UNC80: variants seen among roughly 807,000 people sequenced by gnomAD.
The protein encoded by UNC80 is protein unc-80 homolog.
UNC80 carries 164 observed loss-of-function variants against 384.6 expected under a neutral mutation model. That is an observed-to-expected ratio of 0.43 (90% confidence interval 0.38 to 0.49). UNC80 has a LOEUF of 0.49. Among genes scored for constraint, UNC80 ranks in the 20% least tolerant of loss-of-function variants. UNC80 has a pLI of 0.00. For missense variants in UNC80, 3,330 were observed against 4,143.0 expected (o/e 0.80, Z 5.39); for synonymous variants, 1,486 against 1,527.8 (o/e 0.97, Z 0.64).
At chr2:209,939,225 G>A (rs1052191789) in intron 42 of UNC80, among the ~76,000 whole-genome samples, 2 of 152,026 alleles carry the variant, frequency 1.3e-5, no homozygotes. Flanking sequence ...CTCCTCTCCA[G>A]CCTAAAACTC....
intron 13 of UNC80, 46 bp from the exon 14 acceptor site, chr2:209,825,861 G>T (rs2080478903): frequency 6.8e-7 from 1 of 1,460,138 alleles, no homozygotes; most frequent in African/African-American, 1.4e-5. Flanking sequence ...GGACCTCAGT[G>T]ACAAAGTAAA....
chr2:209,829,095 G>T (rs1196556180), intron 14 of UNC80, 137 bp from the exon 15 acceptor site: 10 of 930,116 alleles, frequency 1.1e-5, no homozygotes, highest in Non-Finnish European at 1.6e-5. Context: ...GACAAGAGGG[G>T]CTAGCAGGGT....
intron 27 of UNC80, among the ~76,000 whole-genome samples, chr2:209,895,766 A>T (rs1300663320): frequency 6.6e-6 from 1 of 152,200 alleles, no homozygotes; most frequent in East Asian, 1.9e-4. Context: ...CACAGAGAGG[A>T]GTTTGGACAC....
Position 209,929,882 on chromosome 2 carries a change from G to A in UNC80, c.5818G>A (p.Ala1940Thr). 3.3e-6 allele frequency: 5 copies of A among 1,528,242 alleles called. No homozygotes were observed. Among genetic ancestry groups the A allele is most frequent in the Non-Finnish European group, 4.4e-6 (5 of 1,138,420 alleles). The allele number at this position is 1,528,242 out of a possible 1,614,324, so 94.7% of individuals were successfully genotyped here. Residue 1940 changes from alanine to threonine, a missense_variant, in exon 37 of 65, where the codon GCT (alanine) becomes ACT (threonine). By Grantham distance (58) the Ala-to-Thr change is moderately conservative. Coordinates refer to ENST00000673920, the MANE Select transcript of UNC80 (RefSeq NM_001371986.1). ...TTTCTCTTCTGAAGTGAGTGCTGTG[G>A]CTCAACAAGTCTTATGGAACTGTCT... ...REDGVAVSAVAQQVLWNCLIE... is the reference protein window; with the variant it reads ...REDGVAVSAVTQQVLWNCLIE...
chr2:209,817,224 C>G (rs887419347), intron 10 of UNC80, 99 bp downstream of exon 10: 10 of 1,198,844 alleles, frequency 8.3e-6, no homozygotes, highest in Non-Finnish European at 1.2e-5. Context: ...TTGAACAATT[C>G]AGCCAAGAAA....
At chr2:209,854,036 C>T (rs983108793) in intron 22 of UNC80, among the ~76,000 whole-genome samples, 11 of 152,034 alleles carry the variant, frequency 7.2e-5, no homozygotes, top group African/African-American at 2.4e-4. Flanking sequence ...CCAGGACTCT[C>T]CCAGGAAAAG....
At chr2:209,924,175 T>C (rs1003962497) in intron 35 of UNC80, among the ~76,000 whole-genome samples, 1 of 152,214 alleles carries the variant, frequency 6.6e-6, no homozygotes, top group Non-Finnish European at 1.5e-5. Flanking sequence ...GTTTCTTATA[T>C]GTCTCATAAG....
chr2:209,857,847 T>C (rs2083050049), intron 22 of UNC80, among the ~76,000 whole-genome samples: 1 of 152,200 alleles, frequency 6.6e-6, no homozygotes, highest in Non-Finnish European at 1.5e-5. Flanking sequence ...ATTTATAAAA[T>C]CCAGGGTTTT....
chr2:209,939,364 C>T, intron 42 of UNC80, 108 bp from the exon 43 acceptor site: 6 of 1,197,560 alleles, frequency 5.0e-6, no homozygotes, highest in East Asian at 5.3e-5. Flanking sequence ...CCTTTTCCGA[C>T]TTTATCAACC....
At chr2:209,954,063 G>C in intron 47 of UNC80, 37 bp from the exon 48 acceptor site, 1 of 1,530,314 alleles carries the variant, frequency 6.5e-7, no homozygotes, top group African/African-American at 1.4e-5. Context: ...AAAGTAGAAT[G>C]TAAAAGGTGA....
chr2:209,941,092 C>T, intron 43 of UNC80, 129 bp from the exon 44 acceptor site: 2 of 1,207,904 alleles, frequency 1.7e-6, no homozygotes, highest in Non-Finnish European at 2.2e-6. Context: ...GAAAACATTT[C>T]AGCAGTAGAT....
chr2:209,957,713 C>T lies in UNC80; in HGVS notation c.7527C>T (p.Thr2509=). The change falls in exon 49 of 65, where the codon ACC becomes ACT. Residue 2509 remains threonine, a synonymous_variant. Transcript: ENST00000673920. The stretch of plus-strand genomic sequence containing the variant: ...AGGGAACCACCACAGCCAATCACAC[C>T]ATGTCGTCTGGGGTGAACACCAGGT... ...GHKGTTTANH[T]MSSGVNTRYQ... 6.4e-7 allele frequency: 1 copy of T among 1,551,488 alleles called. No homozygotes were observed. Among genetic ancestry groups the T allele is most frequent in the Non-Finnish European group, 8.7e-7 (1 of 1,146,868 alleles).
intron 16 of UNC80, among the ~76,000 whole-genome samples, chr2:209,833,411 G>T (rs928071258): frequency 1.3e-5 from 2 of 152,002 alleles, no homozygotes; most frequent in African/African-American, 4.8e-5. Flanking sequence ...CCAATATATT[G>T]GTTTTAATAG....
At chr2:209,950,942 G>A (rs2092148311) in intron 47 of UNC80, among the ~76,000 whole-genome samples, 1 of 152,066 alleles carries the variant, frequency 6.6e-6, no homozygotes, top group Non-Finnish European at 1.5e-5. Flanking sequence ...GGAGGCCAAA[G>A]CATGTGGATT....
intron 4 of UNC80, among the ~76,000 whole-genome samples, chr2:209,778,573 A>G (rs889446569): frequency 6.6e-6 from 1 of 152,226 alleles, no homozygotes; most frequent in African/African-American, 2.4e-5. Flanking sequence ...AGGAGACAAT[A>G]TAATTTGAAA....
rs1282589639 is a variant in UNC80, at chr2:209,992,346, G to A, written c.9396+99G>A. 40 of 1,177,402 alleles carry A rather than the reference G, an allele frequency of 3.4e-5. No homozygotes were observed. The South Asian group carries it at 3.7e-4, about 11-fold the overall frequency. 72.9% of individuals were successfully genotyped at this position (1,177,402 alleles called of 1,614,324 possible). ...ATATTAAGATATTTTGCTGCTGGACGTGCCCGGAATCCCAGCTACTGGGGA... is the reference window on the plus strand; with the variant it reads ...ATATTAAGATATTTTGCTGCTGGACATGCCCGGAATCCCAGCTACTGGGGA... On this transcript the variant is annotated intron_variant, in intron 62 of 64. Coordinates refer to ENST00000673920, the MANE Select transcript of UNC80 (RefSeq NM_001371986.1).
At chr2:209,966,542 A>C (rs1057104240) in intron 51 of UNC80, among the ~76,000 whole-genome samples, 2 of 152,224 alleles carry the variant, frequency 1.3e-5, no homozygotes, top group Non-Finnish European at 2.9e-5. Context: ...GGAAATTGGT[A>C]ATCCATATCT....
intron 7 of UNC80, among the ~76,000 whole-genome samples, chr2:209,806,015 T>G (rs1037829022): frequency 1.3e-5 from 2 of 152,224 alleles, no homozygotes; most frequent in African/African-American, 4.8e-5. Flanking sequence ...GAGCATTCCT[T>G]GTCCACTAAT....
rs927915747 is a variant in UNC80, at chr2:209,894,387, G to A, written c.4480+21G>A. On this transcript the variant is annotated intron_variant, in intron 27 of 64. Coordinates refer to ENST00000673920, the MANE Select transcript of UNC80 (RefSeq NM_001371986.1). ...CCTAGGTAACATAGAGGAGTGGGGT[G>A]TGCAGGGACGTGGGGGGTAGGAAGA... 5.1e-6 allele frequency: 5 copies of A among 983,400 alleles called. No individual in the cohort carries two copies. In the African/African-American group the frequency reaches 8.7e-5, roughly 17 times the overall value. 60.9% of individuals were successfully genotyped at this position (983,400 alleles called of 1,614,324 possible). A position where few individuals can be genotyped will look rare whatever the true frequency, so the allele number is the denominator to read the frequency against.
Sources: allele counts gnomAD v4.1 joint callset (sites outside exome capture counted in the v4.1 genomes callset), GRCh38; gene constraint gnomAD v4.1.1; transcripts MANE v1.5; gene names NCBI Gene and HGNC (gene_info 2026-07-23, HGNC 2026-07-21).